PDXDC1: variants seen among roughly 807,000 people sequenced by gnomAD.
PDXDC1 encodes pyridoxal dependent decarboxylase domain containing 1, also known as pyridoxal-dependent decarboxylase domain-containing protein 1.
In PDXDC1, 42 loss-of-function variants were observed where a neutral mutation model predicts 100.1. The ratio of observed to expected loss-of-function variants is 0.42; its 90% CI spans 0.33 to 0.54. The LOEUF (loss-of-function observed/expected upper bound fraction) is 0.54. Ranked by LOEUF, PDXDC1 falls within the 20% of genes least tolerant of loss-of-function variation. PDXDC1 has a pLI of 0.10. For synonymous variants in PDXDC1, 260 were observed against 371.7 expected (o/e 0.70, Z 3.46); for missense variants, 636 against 979.2 (o/e 0.65, Z 4.68).
intron 16 of PDXDC1, among the ~76,000 whole-genome samples, chr16:15,072,562 G>A (rs147714412): frequency 2.0e-3 from 303 of 152,212 alleles, no homozygotes; most frequent in African/African-American, 5.2e-3. Context: ...AACGCTTTGC[G>A]GGGCAGGAGG....
At chr16:15,136,280 G>A in intron 16 of PDXDC1, 1 of 611,802 alleles carries the variant, frequency 1.6e-6, no homozygotes, top group Non-Finnish European at 2.9e-6. Context: ...CACCACCCCA[G>A]GCTCACAGCA....
chr16:15,134,014 T>C, intron 16 of PDXDC1: 1 of 1,463,378 alleles, frequency 6.8e-7, no homozygotes, highest in Non-Finnish European at 9.3e-7. Flanking sequence ...GCGCTGCCCG[T>C]GGATGTGGTG....
At chr16:14,982,767 A>T (rs1968288509) in intron 1 of PDXDC1, among the ~76,000 whole-genome samples, 2 of 152,276 alleles carry the variant, frequency 1.3e-5, no homozygotes, top group African/African-American at 4.8e-5. Context: ...TCTCAGTGGT[A>T]TGTATTATAA....
intron 16 of PDXDC1, chr16:15,128,203 T>A: frequency 6.2e-7 from 1 of 1,611,026 alleles, no homozygotes; most frequent in Non-Finnish European, 8.5e-7. Context: ...GGGCAGAGCT[T>A]GGCAGGGTCC....
downstream of PDXDC1, among the ~76,000 whole-genome samples, chr16:15,040,857 C>A (rs766492930): frequency 1.6e-4 from 24 of 152,122 alleles, no homozygotes; most frequent in South Asian, 2.1e-4. Context: ...TCTTCAAAGT[C>A]TTAAGAAGTG....
At chr16:15,080,042 G>A (rs1202285899) in intron 16 of PDXDC1, 2 of 1,601,642 alleles carry the variant, frequency 1.2e-6, no homozygotes, top group South Asian at 1.1e-5. Context: ...AGAATTTCAT[G>A]CCTCAAGGTT....
chr16:15,009,480 G>C, intron 7 of PDXDC1: 2 of 1,012,158 alleles, frequency 2.0e-6, no homozygotes, highest in Non-Finnish European at 1.4e-6. Context: ...CTTTAATTTT[G>C]TTTAACTGAT....
At chr16:15,062,172 G>C (rs1271228255) in intron 16 of PDXDC1, among the ~76,000 whole-genome samples, 1 of 152,084 alleles carries the variant, frequency 6.6e-6, no homozygotes, top group East Asian at 1.9e-4. Flanking sequence ...CAGAACAAAA[G>C]CTCCCTCTGA....
At chr16:15,150,087 G>A in the PDXDC1 span, among the ~76,000 whole-genome samples, 1 of 152,090 alleles carries the variant, frequency 6.6e-6, no homozygotes, top group African/African-American at 2.4e-5. Context: ...GCTCAAGCCT[G>A]TAATCCCAGC....
rs1415818211 is a variant in PDXDC1 at position 15,036,900 on chromosome 16, T to C, written c.*625T>C. Reference sequence around the variant, plus strand: ...GGGACTGTCCTCTGCCACAAGGCCATTTCTCCCATTATATACCGTTTGTAA... The same window carrying C: ...GGGACTGTCCTCTGCCACAAGGCCACTTCTCCCATTATATACCGTTTGTAA... On this transcript the variant is annotated 3_prime_UTR_variant, in exon 23 of 23. Coordinates refer to ENST00000396410, the MANE Select transcript of PDXDC1 (RefSeq NM_015027.4). 1 of 153,340 alleles carries C rather than the reference T, an allele frequency of 6.5e-6. No homozygotes were observed. The highest frequency in any genetic ancestry group is 1.5e-5 in the Non-Finnish European group (1 of 68,860). The allele number at this position is 153,340 out of a possible 1,614,324, so 9.5% of individuals were successfully genotyped here. A position where few individuals can be genotyped will look rare whatever the true frequency, so the allele number is the denominator to read the frequency against.
intron 16 of PDXDC1, among the ~76,000 whole-genome samples, chr16:15,051,401 G>A (rs903816207): frequency 6.6e-6 from 1 of 152,220 alleles, no homozygotes; most frequent in Admixed American, 6.5e-5. Context: ...CTCCCAGGCT[G>A]GAGTGCAGCG....
At chr16:15,094,380 T>C in intron 16 of PDXDC1, 1 of 722,744 alleles carries the variant, frequency 1.4e-6, no homozygotes, top group Non-Finnish European at 2.3e-6. Flanking sequence ...CTCGGCGGGC[T>C]AGAGCGCCGC....
chr16:15,001,589 A>T (rs1973164186), intron 3 of PDXDC1, among the ~76,000 whole-genome samples, 187 bp from the exon 4 acceptor site: 1 of 152,308 alleles, frequency 6.6e-6, no homozygotes, highest in South Asian at 2.1e-4. Context: ...TTATATCGGA[A>T]TTCAGTTTAT....
At chr16:15,129,116 A>G (rs541968400) in intron 16 of PDXDC1, among the ~76,000 whole-genome samples, 1 of 151,936 alleles carries the variant, frequency 6.6e-6, no homozygotes, top group Admixed American at 6.6e-5. Context: ...ACAGTTTTTA[A>G]AAGTAGGTAA....
At chr16:15,084,019 A>G (rs2045811986) in intron 16 of PDXDC1, among the ~76,000 whole-genome samples, 2 of 152,302 alleles carry the variant, frequency 1.3e-5, no homozygotes, top group Admixed American at 1.3e-4. Context: ...CCCGGCCAGA[A>G]CTGGAACTTA....
intron 16 of PDXDC1, among the ~76,000 whole-genome samples, chr16:15,101,886 T>C (rs1245988285): frequency 6.6e-6 from 1 of 151,848 alleles, no homozygotes; most frequent in Non-Finnish European, 1.5e-5. Flanking sequence ...TCTTGCTCTG[T>C]TGCTCAGGCT....
downstream of PDXDC1, chr16:15,040,320 A>G (rs1251748271): frequency 1.2e-5 from 5 of 402,816 alleles, no homozygotes; most frequent in Non-Finnish European, 2.2e-5. Context: ...TCCACATGGG[A>G]GGCAGCCATT....
chr16:15,008,588 A>G (rs534438572), intron 6 of PDXDC1, among the ~76,000 whole-genome samples, 191 bp from the exon 7 acceptor site: 2 of 147,860 alleles, frequency 1.4e-5, no homozygotes, highest in Non-Finnish European at 3.0e-5. Flanking sequence ...GCACTTGGAA[A>G]TTCACCCTTT....
chr16:14,984,476 C>CATATATATATATATATAT lies in PDXDC1; in HGVS notation c.21+9259_21+9276dup, dbSNP rs749990542. ...GAGAGTGTGTGTGTGTGTGTGTATA[C>CATATATATATATATATAT]ATATATATATATATATATATTTTTT... On this transcript the variant is annotated intron_variant, in intron 1 of 22. Coordinates refer to ENST00000396410, the MANE Select transcript of PDXDC1 (RefSeq NM_015027.4). 2.1e-4 allele frequency among the ~76,000 whole-genome samples: 19 copies of CATATATATATATATATAT among 92,674 alleles called. No homozygotes were observed. The East Asian group carries it at 2.5e-3, about 12-fold the overall frequency. The allele number at this position is 92,674 out of a possible 152,430, so 60.8% of individuals were successfully genotyped here. A position where few individuals can be genotyped will look rare whatever the true frequency, so the allele number is the denominator to read the frequency against.
Sources: allele counts gnomAD v4.1 joint callset (sites outside exome capture counted in the v4.1 genomes callset), GRCh38; gene constraint gnomAD v4.1.1; transcripts MANE v1.5; gene names NCBI Gene and HGNC (gene_info 2026-07-23, HGNC 2026-07-21).